Variants in TWIST2 observed in about 807,000 individuals in gnomAD.
TWIST2 encodes the protein twist-related protein 2.
Under a neutral mutation model 11.6 loss-of-function variants are expected in TWIST2, and 1 was observed. The observed-to-expected ratio is 0.09, with a 90% CI of 0.03 to 0.41. The LOEUF (loss-of-function observed/expected upper bound fraction) is 0.41, where lower values mean the gene tolerates loss of function less well. TWIST2 is among the 10% of genes least tolerant of loss of function. The probability of loss-of-function intolerance (pLI) is 0.98; values close to 1 mark genes in which losing one functional copy is unlikely to be tolerated. For missense variants in TWIST2, 168 were observed against 226.4 expected, an observed-to-expected ratio of 0.74 and a Z score of 1.66; for synonymous variants, 87 against 96.6, an observed-to-expected ratio of 0.90 and a Z score of 0.58.
chr2:238,908,307 C>A (rs1212510102), intron 1 of TWIST2, among the ~76,000 whole-genome samples: 3 of 148,300 alleles, frequency 2.0e-5, no homozygotes, highest in Non-Finnish European at 4.5e-5. Context: ...TCACACTGTA[C>A]ATAGACACCA....
At chr2:238,874,267 C>A (rs945886934) in intron 1 of TWIST2, among the ~76,000 whole-genome samples, 1 of 152,184 alleles carries the variant, frequency 6.6e-6, no homozygotes, top group Admixed American at 6.5e-5. Flanking sequence ...TTTATTCAAT[C>A]CTCATCCTTT....
At chr2:238,888,557 G>T (rs945348603) in intron 1 of TWIST2, among the ~76,000 whole-genome samples, 10 of 152,144 alleles carry the variant, frequency 6.6e-5, no homozygotes, top group African/African-American at 1.7e-4. Flanking sequence ...ATTAGAAAAA[G>T]AAATTACTCA....
At chr2:238,873,977 A>G (rs911951666) in intron 1 of TWIST2, among the ~76,000 whole-genome samples, 1 of 152,110 alleles carries the variant, frequency 6.6e-6, no homozygotes, top group African/African-American at 2.4e-5. Context: ...ATGTTCCATC[A>G]AGGAAAAAAC....
At chr2:238,884,051 T>C (rs1455955612) in intron 1 of TWIST2, among the ~76,000 whole-genome samples, 8 of 152,216 alleles carry the variant, frequency 5.3e-5, no homozygotes, top group Admixed American at 5.2e-4. Context: ...TCCGAATTCT[T>C]CCAGCCTTCC....
intron 1 of TWIST2, among the ~76,000 whole-genome samples, chr2:238,891,943 G>A (rs1342874046): frequency 2.0e-5 from 3 of 152,202 alleles, no homozygotes; most frequent in Admixed American, 6.5e-5. Context: ...GTGCACCTGC[G>A]CAAGGCGGGA....
chr2:238,870,355 CCA>C lies in TWIST2; in HGVS notation c.*35+21632_*35+21633del, dbSNP rs774127916. 1.1e-3 allele frequency among the ~76,000 whole-genome samples: 2 copies of C among 1,796 alleles called. 1 individual carries two copies. The highest frequency in any genetic ancestry group is 2.7e-3 in the Non-Finnish European group (2 of 750). 1.2% of individuals were successfully genotyped at this position (1,796 alleles called of 152,430 possible). ...ACACACCCCACACACACCACACACC[CCA>C]CACACACACCACACACCCCACACAC... On this transcript the variant is annotated intron_variant, in intron 1 of 1. Transcript: ENST00000612363.
intron 1 of TWIST2, among the ~76,000 whole-genome samples, chr2:238,889,825 C>G (rs956132021): frequency 3.9e-5 from 6 of 152,202 alleles, no homozygotes; most frequent in Non-Finnish European, 8.8e-5. Context: ...TACGTGTTCT[C>G]CCACTTGCAG....
At chr2:238,876,906 C>T (rs1692816062) in intron 1 of TWIST2, among the ~76,000 whole-genome samples, 2 of 152,132 alleles carry the variant, frequency 1.3e-5, no homozygotes, top group African/African-American at 4.8e-5. Flanking sequence ...GTTATTAAAA[C>T]CTCCCTGTCT....
intron 1 of TWIST2, among the ~76,000 whole-genome samples, chr2:238,885,822 A>G (rs1369864211): frequency 6.6e-6 from 1 of 152,190 alleles, no homozygotes; most frequent in Non-Finnish European, 1.5e-5. Context: ...CTGTAATCCT[A>G]GCACTTTGAG....
chr2:238,898,488 G>A (rs1235666236), intron 1 of TWIST2, among the ~76,000 whole-genome samples: 1 of 152,234 alleles, frequency 6.6e-6, no homozygotes, highest in African/African-American at 2.4e-5. Context: ...ATGCCCATGA[G>A]GCCATTGAGG....
At chr2:238,905,919 A>G (rs1237107693) in intron 1 of TWIST2, among the ~76,000 whole-genome samples, 1 of 110,066 alleles carries the variant, frequency 9.1e-6, no homozygotes, top group African/African-American at 3.8e-5. Flanking sequence ...GTGTGCGTGC[A>G]GGTGTGCGTG....
intron 1 of TWIST2, among the ~76,000 whole-genome samples, chr2:238,888,226 T>C (rs1456247179): frequency 6.6e-6 from 1 of 152,266 alleles, no homozygotes; most frequent in East Asian, 1.9e-4. Context: ...AAGCATTATT[T>C]GAATTCTTAT....
rs528252757 is a variant in TWIST2, at chr2:238,872,807, C to T, written c.*35+24074C>T. On this transcript the variant is annotated intron_variant, in intron 1 of 1. Transcript: ENST00000612363. ...AGATGGAAAGTCTGGAGGTCACGGG[C>T]ATACGGCCCAGAGGCACACGCTCCG... Among the ~76,000 whole-genome samples, 13 of 152,322 alleles carry T rather than the reference C, an allele frequency of 8.5e-5. No individual in the cohort carries two copies. The South Asian group carries it at 1.2e-3, about 15-fold the overall frequency.
At chr2:238,858,208 G>A (rs775390733) in intron 1 of TWIST2, among the ~76,000 whole-genome samples, 2 of 152,182 alleles carry the variant, frequency 1.3e-5, no homozygotes, top group Non-Finnish European at 2.9e-5. Flanking sequence ...CTCCCTGGGC[G>A]CATCCACCGG....
At chr2:238,889,382 T>C (rs1693093802) in intron 1 of TWIST2, among the ~76,000 whole-genome samples, 1 of 152,192 alleles carries the variant, frequency 6.6e-6, no homozygotes, top group Non-Finnish European at 1.5e-5. Flanking sequence ...CACACATATA[T>C]ATACACATAG....
At chr2:238,906,114 G>A (rs1417294357) in intron 1 of TWIST2, among the ~76,000 whole-genome samples, 2 of 152,170 alleles carry the variant, frequency 1.3e-5, no homozygotes, top group African/African-American at 2.4e-5. Flanking sequence ...GACCTGGGCT[G>A]CTGGGGTGAA....
At chr2:238,873,649 G>A (rs778254569) in intron 1 of TWIST2, among the ~76,000 whole-genome samples, 3 of 152,162 alleles carry the variant, frequency 2.0e-5, no homozygotes, top group Non-Finnish European at 2.9e-5. Context: ...GGGTCCGAGC[G>A]CTCCTCCCTG....
intron 1 of TWIST2, among the ~76,000 whole-genome samples, chr2:238,865,687 G>A (rs1386338571): frequency 7.9e-6 from 1 of 126,290 alleles, no homozygotes; most frequent in Non-Finnish European, 1.6e-5. Flanking sequence ...TGGTCTTTTG[G>A]AACTTTTTTT....
At chr2:238,883,135 C>CT (rs1692967087) in intron 1 of TWIST2, among the ~76,000 whole-genome samples, 1 of 152,188 alleles carries the variant, frequency 6.6e-6, no homozygotes, top group Non-Finnish European at 1.5e-5. Flanking sequence ...CCATTTTCTG[C>CT]TTTTTTATTT....
Sources: allele counts gnomAD v4.1 joint callset (sites outside exome capture counted in the v4.1 genomes callset), GRCh38; gene constraint gnomAD v4.1.1; transcripts MANE v1.5; gene names NCBI Gene and HGNC (gene_info 2026-07-23, HGNC 2026-07-21).